SHLD2: variants seen among roughly 807,000 people sequenced by gnomAD.
SHLD2 encodes shieldin complex subunit 2, also known as RINN1-REV7-interacting novel NHEJ regulator 2.
A neutral mutation model predicts 73.2 loss-of-function variants in SHLD2; 30 were observed. The observed-to-expected ratio is 0.41, with a 90% CI of 0.31 to 0.56. The LOEUF (loss-of-function observed/expected upper bound fraction) is 0.56, where lower values mean the gene tolerates loss of function less well. Among genes scored for constraint, SHLD2 ranks in the 20% least tolerant of loss-of-function variants. The probability of loss-of-function intolerance (pLI) is 0.28; values close to 1 mark genes in which losing one functional copy is unlikely to be tolerated. For synonymous variants in SHLD2, 285 were observed against 370.1 expected (o/e 0.77, Z 2.64); for missense variants, 745 against 1,055.9 (o/e 0.71, Z 4.08).
chr10:87,137,057 T>C (rs565689629), intron 2 of SHLD2, among the ~76,000 whole-genome samples: 3 of 152,316 alleles, frequency 2.0e-5, no homozygotes, highest in African/African-American at 7.2e-5. Context: ...AATCTATTTT[T>C]ATATAAAATG....
intron 2 of SHLD2, among the ~76,000 whole-genome samples, chr10:87,143,913 G>A (rs1312775170): frequency 6.7e-6 from 1 of 148,954 alleles, no homozygotes; most frequent in African/African-American, 2.5e-5. Context: ...GCCCAGGCTG[G>A]AGTACAGTGA....
At chr10:87,139,705 G>A (rs1403164417) in intron 2 of SHLD2, among the ~76,000 whole-genome samples, 1 of 152,132 alleles carries the variant, frequency 6.6e-6, no homozygotes, top group South Asian at 2.1e-4. Context: ...GGATGTGCCT[G>A]TAATTCCAGC....
chr10:87,149,460 C>T (rs1845858850), intron 2 of SHLD2, among the ~76,000 whole-genome samples: 1 of 152,004 alleles, frequency 6.6e-6, no homozygotes, highest in Admixed American at 6.6e-5. Context: ...CGGTGGCTCA[C>T]ACCTGTAATC....
At chr10:87,133,513 A>G (rs1844581496) in intron 2 of SHLD2, among the ~76,000 whole-genome samples, 1 of 152,210 alleles carries the variant, frequency 6.6e-6, no homozygotes, top group Non-Finnish European at 1.5e-5. Flanking sequence ...CATTTTCAAA[A>G]AAAGATGAGT....
At chr10:87,100,029 GA>G (rs1160939049) in intron 2 of SHLD2, among the ~76,000 whole-genome samples, 1 of 151,900 alleles carries the variant, frequency 6.6e-6, no homozygotes, top group Non-Finnish European at 1.5e-5. Context: ...TACCAGATTT[GA>G]AAATGTTTTC....
At chr10:87,094,839 G>A (rs920051565), upstream of SHLD2, 3 of 1,236,086 alleles carry the variant, frequency 2.4e-6, no homozygotes, top group African/African-American at 3.1e-5. The surrounding 1 kb of genome is among the most constrained non-coding windows in gnomAD (Gnocchi z 6.6). Flanking sequence ...CCCGCGACTA[G>A]GGAGGAAGGG....
At chr10:87,107,336 C>A (rs1183790390) in intron 2 of SHLD2, among the ~76,000 whole-genome samples, 4 of 152,228 alleles carry the variant, frequency 2.6e-5, no homozygotes, top group African/African-American at 9.6e-5. Context: ...ATTGCTTGAA[C>A]CTGGGAGGCA....
chr10:87,140,342 C>T (rs1055764523), intron 2 of SHLD2, among the ~76,000 whole-genome samples: 2 of 149,796 alleles, frequency 1.3e-5, no homozygotes, highest in Non-Finnish European at 3.0e-5. Context: ...ATTGCTTGAG[C>T]CAGGGAGATG....
intron 2 of SHLD2, among the ~76,000 whole-genome samples, chr10:87,139,830 A>C (rs1170871879): frequency 2.0e-5 from 3 of 152,224 alleles, no homozygotes; most frequent in African/African-American, 7.2e-5. Context: ...GTCTCAAAAA[A>C]AACCAAAAGA....
intron 2 of SHLD2, chr10:87,115,215 A>G (rs576038037): frequency 2.0e-5 from 3 of 152,150 alleles, no homozygotes; most frequent in South Asian, 4.2e-4. Flanking sequence ...ATGCCCAGCT[A>G]ATTTTTGTAT....
chr10:87,135,853 C>T (rs1457704809), intron 2 of SHLD2, among the ~76,000 whole-genome samples: 4 of 152,158 alleles, frequency 2.6e-5, no homozygotes, highest in East Asian at 1.9e-4. Flanking sequence ...TATGACTAAT[C>T]GGTGTTGCTA....
At chr10:87,123,231 A>G (rs1175943636) in intron 2 of SHLD2, among the ~76,000 whole-genome samples, 2 of 152,210 alleles carry the variant, frequency 1.3e-5, no homozygotes, top group African/African-American at 2.4e-5. Flanking sequence ...AATAATCAAC[A>G]TTTATTTTAG....
chr10:87,094,658 C>T, upstream of SHLD2: 1 of 1,585,732 alleles, frequency 6.3e-7, no homozygotes, highest in Non-Finnish European at 8.6e-7. This position sits in a 1 kb window ranked among gnomAD's most constrained non-coding sequence, Gnocchi z 6.6. Flanking sequence ...GGGGCGGCGG[C>T]GGGCTGTCCC....
chr10:87,148,455 G>T (rs1382500410), intron 2 of SHLD2, among the ~76,000 whole-genome samples: 2 of 151,742 alleles, frequency 1.3e-5, no homozygotes, highest in Admixed American at 6.6e-5. Flanking sequence ...CTTCTAGAAG[G>T]TCATTGGTTT....
At chr10:87,173,866 G>A (rs561558817) in intron 6 of SHLD2, among the ~76,000 whole-genome samples, 30 of 152,214 alleles carry the variant, frequency 2.0e-4, no homozygotes, top group African/African-American at 7.2e-4. Context: ...AATAAAAATG[G>A]CCAATAAATA....
At chr10:87,148,570 G>T (rs940596025) in intron 2 of SHLD2, among the ~76,000 whole-genome samples, 1 of 144,714 alleles carries the variant, frequency 6.9e-6, no homozygotes, top group Admixed American at 7.0e-5. Context: ...GGGGGGCGGG[G>T]GTTGGTTTTA....
intron 2 of SHLD2, among the ~76,000 whole-genome samples, chr10:87,136,683 A>G (rs2984879): frequency 0.67 from 101,552 of 151,056 alleles, 34,736 homozygotes; most frequent in East Asian, 0.84. Context: ...TTGCTTATCT[A>G]AAAACTCCTG....
intron 3 of SHLD2, among the ~76,000 whole-genome samples, chr10:87,157,207 C>T (rs1430566320): frequency 2.0e-5 from 3 of 152,126 alleles, no homozygotes; most frequent in African/African-American, 7.2e-5. Context: ...TTCCATTAGG[C>T]AGTTGTAGGT....
At chr10:87,174,962 A>G (rs977472655) in intron 6 of SHLD2, among the ~76,000 whole-genome samples, 68 of 151,906 alleles carry the variant, frequency 4.5e-4, no homozygotes, top group Non-Finnish European at 9.1e-4. Context: ...AAAAATGCAA[A>G]AAAATTTAGC....
Sources: gnomAD v4.1 joint callset for allele counts (sites outside exome capture counted in the v4.1 genomes callset) on GRCh38, gnomAD v4.1.1 for gene constraint, Gnocchi (gnomAD v3.1) non-coding constraint, MANE v1.5 for transcripts, NCBI Gene and HGNC (gene_info 2026-07-23, HGNC 2026-07-21) for gene names.